FRMD4A: variants seen among roughly 807,000 people sequenced by gnomAD.
The protein encoded by FRMD4A is FERM domain-containing protein 4A.
Under a neutral mutation model 129.1 loss-of-function variants are expected in FRMD4A, and 29 were observed. The ratio of observed to expected loss-of-function variants is 0.22; its 90% CI spans 0.17 to 0.31. The LOEUF (loss-of-function observed/expected upper bound fraction) is 0.31. Among genes scored for constraint, FRMD4A ranks in the 10% least tolerant of loss-of-function variants. FRMD4A has a pLI of 1.00. For synonymous variants in FRMD4A, 634 were observed against 571.6 expected (o/e 1.11, Z -1.56); for missense variants, 1,272 against 1,375.8 (o/e 0.92, Z 1.19).
chr10:14,275,085 C>G (rs1234837466), intron 2 of FRMD4A, among the ~76,000 whole-genome samples: 1 of 152,190 alleles, frequency 6.6e-6, no homozygotes, highest in Non-Finnish European at 1.5e-5. Flanking sequence ...CTTCAAAACC[C>G]AAACTGTGAC....
chr10:13,940,555 C>T (rs2095283441), intron 2 of FRMD4A, among the ~76,000 whole-genome samples: 1 of 152,068 alleles, frequency 6.6e-6, no homozygotes, highest in Non-Finnish European at 1.5e-5. Flanking sequence ...TATGTATAGG[C>T]CTGAGGGTAT....
chr10:14,247,644 C>A (rs1374993692), intron 2 of FRMD4A, among the ~76,000 whole-genome samples: 2 of 152,132 alleles, frequency 1.3e-5, no homozygotes, highest in South Asian at 2.1e-4. Context: ...CACATTTATT[C>A]TTTTCCTTTA....
At chr10:13,963,988 C>A (rs750741) in intron 2 of FRMD4A, among the ~76,000 whole-genome samples, 101,753 of 151,882 alleles carry the variant, frequency 0.67, 34,283 homozygotes, top group East Asian at 0.77. Flanking sequence ...AACCACTGAT[C>A]ATTATAAAAC....
chr10:13,673,673 C>T (rs1050232335), intron 16 of FRMD4A, among the ~76,000 whole-genome samples: 2 of 150,976 alleles, frequency 1.3e-5, no homozygotes, highest in African/African-American at 4.9e-5. Flanking sequence ...ATGAAATAAA[C>T]AGACAAAGGT....
chr10:14,284,584 C>A (rs1564439819), intron 2 of FRMD4A, among the ~76,000 whole-genome samples: 1 of 152,148 alleles, frequency 6.6e-6, no homozygotes, highest in African/African-American at 2.4e-5. Flanking sequence ...ACCCAGGAAG[C>A]AGAGGTTGCA....
chr10:13,689,699 T>A (rs1051109950), intron 15 of FRMD4A, among the ~76,000 whole-genome samples: 81 of 151,954 alleles, frequency 5.3e-4, no homozygotes, highest in African/African-American at 1.9e-3. Context: ...AATATAAGCA[T>A]GCACCACCAT....
At chr10:14,014,891 C>A (rs1396629357) in intron 2 of FRMD4A, among the ~76,000 whole-genome samples, 3 of 152,212 alleles carry the variant, frequency 2.0e-5, no homozygotes, top group African/African-American at 7.2e-5. Flanking sequence ...TGGGCAGATA[C>A]ATTTTTCCCT....
rs768604155 is a variant in FRMD4A, at chr10:13,701,422, T to C, written c.893A>G (p.Tyr298Cys). ...GHSGIAVHTWYACPALIKSIW... is the reference protein window; with the variant it reads ...GHSGIAVHTWCACPALIKSIW... Reference sequence around the variant, plus strand: ...GGACTTGATCAATGCCGGACATGCATACCACGTGTGCACTGCAATGCCGCT... The same window carrying C: ...GGACTTGATCAATGCCGGACATGCACACCACGTGTGCACTGCAATGCCGCT... Residue 298 changes from tyrosine (Y) to cysteine (C), a missense_variant, in exon 14 of 25, where the codon TAT (tyrosine) becomes TGT (cysteine). Transcript: ENST00000357447. 1 of 1,612,266 alleles carries C rather than the reference T, an allele frequency of 6.2e-7. No individual in the cohort carries two copies. The highest frequency in any genetic ancestry group is 8.5e-7 in the Non-Finnish European group (1 of 1,178,238).
chr10:14,173,959 C>T (rs1016561714), intron 2 of FRMD4A, among the ~76,000 whole-genome samples: 3 of 152,008 alleles, frequency 2.0e-5, no homozygotes, highest in Non-Finnish European at 4.4e-5. Context: ...TGCACAGAGC[C>T]TTTTCTGTCC....
intron 2 of FRMD4A, among the ~76,000 whole-genome samples, chr10:13,889,640 G>A (rs1157547851): frequency 2.6e-5 from 4 of 152,162 alleles, no homozygotes; most frequent in Non-Finnish European, 2.9e-5. Flanking sequence ...CAAGACAAGT[G>A]CCAAAAACAA....
intron 18 of FRMD4A, 23 bp downstream of exon 18, chr10:13,666,074 G>C: frequency 6.8e-7 from 1 of 1,466,258 alleles, no homozygotes; most frequent in Non-Finnish European, 9.6e-7. Flanking sequence ...GAGTGGGGTG[G>C]GGGCAGCCCG....
At chr10:13,936,424 T>C (rs10466282) in intron 2 of FRMD4A, among the ~76,000 whole-genome samples, 17,369 of 152,150 alleles carry the variant, frequency 0.11, 1,075 homozygotes, top group African/African-American at 0.14. Flanking sequence ...TCCTCCAAAA[T>C]TCCTATATTG....
At chr10:13,947,880 C>A (rs1407516617) in intron 2 of FRMD4A, among the ~76,000 whole-genome samples, 1 of 151,298 alleles carries the variant, frequency 6.6e-6, no homozygotes, top group Non-Finnish European at 1.5e-5. Flanking sequence ...CATGTCCACT[C>A]AAAAAAAATA....
At chr10:13,848,835 G>C (rs1017062440) in intron 3 of FRMD4A, among the ~76,000 whole-genome samples, 1 of 152,156 alleles carries the variant, frequency 6.6e-6, no homozygotes, top group East Asian at 1.9e-4. Context: ...CTTACCAAGG[G>C]GGAAACGACT....
intron 2 of FRMD4A, among the ~76,000 whole-genome samples, chr10:13,884,240 A>ACACACACACACACACC (rs200093883): frequency 7.4e-6 from 1 of 135,176 alleles, no homozygotes; most frequent in Admixed American, 7.6e-5. Context: ...ACACACACAC[A>ACACACACACACACACC]CTCCCTAAAA....
At chr10:13,777,317 G>C (rs1050394335) in intron 6 of FRMD4A, among the ~76,000 whole-genome samples, 1 of 152,086 alleles carries the variant, frequency 6.6e-6, no homozygotes, top group Admixed American at 6.5e-5. Flanking sequence ...CAGAGATGCT[G>C]AGGCTCAAAT....
At chr10:14,054,952 G>C (rs537451649) in intron 2 of FRMD4A, among the ~76,000 whole-genome samples, 1 of 152,246 alleles carries the variant, frequency 6.6e-6, no homozygotes, top group South Asian at 2.1e-4. Context: ...ATGGAACTGT[G>C]AGTCCATTAA....
At position 13,702,540 on chromosome 10, in the gene FRMD4A, ATGTGTGTGTG is replaced by A. The variant is rs398012859; in HGVS notation, c.837-1072_837-1063del. ...ATGAAATCTAAGAATGTGTGTTTGC[ATGTGTGTGTG>A]TGTGTGTGTGTGTGTGTGCGCATGC... On this transcript the variant is annotated intron_variant, in intron 13 of 24. Coordinates refer to ENST00000357447, the MANE Select transcript of FRMD4A (RefSeq NM_018027.5). Among the ~76,000 whole-genome samples, 883 of 107,828 alleles carry A rather than the reference ATGTGTGTGTG, an allele frequency of 8.2e-3. 11 individuals carry two copies. The highest frequency in any genetic ancestry group is 0.022 in the African/African-American group (828 of 37,128). The allele number at this position is 107,828 out of a possible 152,430, so 70.7% of individuals were successfully genotyped here.
chr10:13,775,698 C>A (rs890003194), intron 6 of FRMD4A, among the ~76,000 whole-genome samples: 2 of 152,112 alleles, frequency 1.3e-5, no homozygotes, highest in African/African-American at 4.8e-5. Context: ...CTGCATGAGA[C>A]CAAGTCCAGG....
Sources: allele counts gnomAD v4.1 joint callset (sites outside exome capture counted in the v4.1 genomes callset), GRCh38; gene constraint gnomAD v4.1.1; transcripts MANE v1.5; gene names NCBI Gene and HGNC (gene_info 2026-07-23, HGNC 2026-07-21).